GPBAR1: variants seen among roughly 807,000 people sequenced by gnomAD.
The protein encoded by GPBAR1 is G protein-coupled bile acid receptor 1.
In GPBAR1, 13 loss-of-function variants were observed where a neutral mutation model predicts 13.0. The observed-to-expected ratio is 1.00, with a 90% confidence interval of 0.65 to 1.59. The LOEUF (loss-of-function observed/expected upper bound fraction) is 1.59. GPBAR1 is among the 40% of genes most tolerant of loss of function. GPBAR1 has a pLI of 0.00. For synonymous variants in GPBAR1, 193 were observed against 205.2 expected (o/e 0.94, Z 0.51); for missense variants, 398 against 436.4 (o/e 0.91, Z 0.78).
rs199556363 is a variant in GPBAR1, at chr2:218,263,129, C to A, written c.405C>A (p.Pro135=). 7.4e-6 allele frequency: 12 copies of A among 1,612,534 alleles called. No homozygotes were observed. Among genetic ancestry groups the A allele is most frequent in the Non-Finnish European group, 1.0e-5 (12 of 1,179,870 alleles). The part of the protein sequence containing the change: ...RLALLLTWAG[P]LLFASLPALG... ...CCCTGCTCCTCACCTGGGCTGGTCCCCTGCTCTTTGCCAGTCTGCCCGCTC... is the reference window on the plus strand; with the variant it reads ...CCCTGCTCCTCACCTGGGCTGGTCCACTGCTCTTTGCCAGTCTGCCCGCTC... Residue 135 remains proline (P), a synonymous_variant, in exon 2 of 2, where the codon CCC becomes CCA. Coordinates refer to ENST00000519574, the MANE Select transcript of GPBAR1 (RefSeq NM_170699.3). The surrounding 1 kb of genome is among the most constrained non-coding windows in gnomAD (Gnocchi z 4.2).
chr2:218,262,284 TC>T lies in GPBAR1; in HGVS notation c.-45-392del, dbSNP rs537280453. ...TGGTCCATTCTCTCATTTAGAGGCC[TC>T]CCCGGTGGAGGCAGGGATACACAAA... On this transcript the variant is annotated intron_variant, in intron 1 of 1. Coordinates refer to ENST00000519574, the MANE Select transcript of GPBAR1 (RefSeq NM_170699.3). The surrounding 1 kb of genome is among the most constrained non-coding windows in gnomAD (Gnocchi z 5.1). The T allele has an allele frequency of 2.0e-4, 33 of 167,714 alleles. 2 individuals are homozygous for T. In the South Asian group the frequency reaches 4.9e-3, roughly 25 times the overall value. 10.4% of individuals were successfully genotyped at this position (167,714 alleles called of 1,614,324 possible).
At position 218,262,923 on chromosome 2, in the gene GPBAR1, G is replaced by A. The variant is rs1292599994; in HGVS notation, c.199G>A (p.Ala67Thr). ...LLLAGLLTGL[A>T]LPTLPGLWNQ... is the part of the protein sequence containing the mutation. ...GCTGGCTGGGCTGCTCACGGGTCTG[G>A]CATTGCCCACATTGCCAGGGCTGTG... The change falls in exon 2 of 2, where the codon GCA becomes ACA. Residue 67 changes from alanine to threonine, a missense_variant. Transcript: ENST00000519574. This position sits in a 1 kb window ranked among gnomAD's most constrained non-coding sequence, Gnocchi z 5.1. 6.2e-7 allele frequency: 1 copy of A among 1,613,652 alleles called. No homozygotes were observed. Among genetic ancestry groups the A allele is most frequent in the Non-Finnish European group, 8.5e-7 (1 of 1,179,808 alleles).
chr2:218,259,934 G>C (rs1031402449), upstream of GPBAR1: 1 of 152,268 alleles, frequency 6.6e-6, no homozygotes, highest in Non-Finnish European at 1.5e-5. Flanking sequence ...TCCCAGCCTT[G>C]AACTTGCCCT....
Position 218,263,147 on chromosome 2 carries a change from G to A in GPBAR1, c.423G>A (p.Leu141=). The change falls in exon 2 of 2, where the codon CTG becomes CTA. Residue 141 remains leucine (L), a synonymous_variant. Transcript: ENST00000519574. This position sits in a 1 kb window ranked among gnomAD's most constrained non-coding sequence, Gnocchi z 4.2. The part of the protein sequence containing the change: ...TWAGPLLFAS[L]PALGWNHWTP... ...CTGGTCCCCTGCTCTTTGCCAGTCT[G>A]CCCGCTCTGGGGTGGAACCACTGGA... 2 of 1,611,728 alleles carry A rather than the reference G, an allele frequency of 1.2e-6. No homozygotes were observed. Among genetic ancestry groups the A allele is most frequent in the Non-Finnish European group, 8.5e-7 (1 of 1,179,846 alleles).
Position 218,263,589 on chromosome 2 carries a change from G to C in GPBAR1, c.865G>C (p.Ala289Pro). The C allele has an allele frequency of 6.2e-7, 1 of 1,612,696 alleles. No homozygotes were observed. The change falls in exon 2 of 2, where the codon GCC becomes CCC. Residue 289 changes from alanine (A) to proline (P), a missense_variant. By Grantham distance (27) the Ala-to-Pro change is conservative. Coordinates refer to ENST00000519574, the MANE Select transcript of GPBAR1 (RefSeq NM_170699.3). The surrounding 1 kb of genome is among the most constrained non-coding windows in gnomAD (Gnocchi z 4.2). ...AMGLGDQRYTAPWRAAAQRCL... is the reference protein window; with the variant it reads ...AMGLGDQRYTPPWRAAAQRCL... ...GGGGCTGGGCGATCAGCGCTACACA[G>C]CCCCCTGGAGGGCAGCCGCCCAAAG...
rs754406544 is a variant in GPBAR1, at chr2:218,263,733, TGAC to T, written c.*17_*19del. On this transcript the variant is annotated 3_prime_UTR_variant, in exon 2 of 2. Coordinates refer to ENST00000519574, the MANE Select transcript of GPBAR1 (RefSeq NM_170699.3). The surrounding 1 kb of genome is among the most constrained non-coding windows in gnomAD (Gnocchi z 4.2). The stretch of plus-strand genomic sequence containing the variant: ...CTTGAACTAAAGGAAGGGCCTCTGC[TGAC>T]TCCTACCAGAGCATCCGTCCAGCTC... 2.3e-5 allele frequency: 37 copies of T among 1,612,892 alleles called. No individual in the cohort carries two copies. The Admixed American group carries it at 4.7e-4, about 20-fold the overall frequency.
Position 218,263,526 on chromosome 2 carries a change from C to T in GPBAR1, c.802C>T (p.Leu268=), listed in dbSNP as rs1274176430. ...TGGGACACTGTTGTCCCTCCTCTCC[C>T]TAGGAAGTGCCAGTGCAGCGGCAGT... ...GPGTLLSLLS[L]GSASAAAVPV... Residue 268 remains leucine (L), a synonymous_variant, in exon 2 of 2, where the codon CTA becomes TTA. Coordinates refer to ENST00000519574, the MANE Select transcript of GPBAR1 (RefSeq NM_170699.3). This position sits in a 1 kb window ranked among gnomAD's most constrained non-coding sequence, Gnocchi z 4.2. 6.2e-7 allele frequency: 1 copy of T among 1,611,972 alleles called. No individual in the cohort carries two copies. The highest frequency in any genetic ancestry group is 1.7e-5 in the Admixed American group (1 of 59,918).
At position 218,261,015 on chromosome 2, in the gene GPBAR1, GAGAACCC is replaced by G. The variant is rs1294436840; in HGVS notation, c.-243_-237del. On this transcript the variant is annotated 5_prime_UTR_variant, in exon 1 of 2. Coordinates refer to ENST00000519574, the MANE Select transcript of GPBAR1 (RefSeq NM_170699.3). ...GCCAGCCTCATTTCTCTATCCCTCTGAGAACCCAGACGGGCAGAGCCTGGGTAGGAGA... is the reference window on the plus strand; with the variant it reads ...GCCAGCCTCATTTCTCTATCCCTCTGAGACGGGCAGAGCCTGGGTAGGAGA... 1 of 152,156 alleles carries G rather than the reference GAGAACCC, an allele frequency of 6.6e-6. No individual in the cohort carries two copies. Among genetic ancestry groups the G allele is most frequent in the African/African-American group, 2.4e-5 (1 of 41,422 alleles). 9.4% of individuals were successfully genotyped at this position (152,156 alleles called of 1,614,324 possible). A position where few individuals can be genotyped will look rare whatever the true frequency, so the allele number is the denominator to read the frequency against.
upstream of GPBAR1, chr2:218,259,854 G>C (rs1385737998): frequency 6.6e-6 from 1 of 152,260 alleles, no homozygotes; most frequent in African/African-American, 2.4e-5. Context: ...GTGTGGCTGG[G>C]CTTCTCTCCT....
upstream of GPBAR1, among the ~76,000 whole-genome samples, chr2:218,260,351 T>G (rs1310230339): frequency 6.6e-6 from 1 of 152,216 alleles, no homozygotes; most frequent in Non-Finnish European, 1.5e-5. Context: ...GGGAGCCATT[T>G]GTTGGGGCAA....
Position 218,263,369 on chromosome 2 carries a change from C to T in GPBAR1, c.645C>T (p.Ala215=), listed in dbSNP as rs766815458. Residue 215 remains alanine, a synonymous_variant, in exon 2 of 2, where the codon GCC becomes GCT. Transcript: ENST00000519574. The surrounding 1 kb of genome is among the most constrained non-coding windows in gnomAD (Gnocchi z 4.2). The stretch of plus-strand genomic sequence containing the variant: ...GCCGCGATGAGCCCTCCGCCCTGGC[C>T]CGGGCCCTTACCTGGAGGCAGGCAA... ...AVCRDEPSAL[A]RALTWRQARA... is the part of the protein sequence containing the mutation. 83 of 1,598,612 alleles carry T rather than the reference C, an allele frequency of 5.2e-5. No homozygotes were observed. Among genetic ancestry groups the T allele is most frequent in the African/African-American group, 9.4e-5 (7 of 74,592 alleles).
chr2:218,262,570 A>C lies in GPBAR1; in HGVS notation c.-45-110A>C, dbSNP rs554280056. 9 of 680,888 alleles carry C rather than the reference A, an allele frequency of 1.3e-5. No homozygotes were observed. The highest frequency in any genetic ancestry group is 3.0e-5 in the Admixed American group (1 of 33,404). The allele number at this position is 680,888 out of a possible 1,614,324, so 42.2% of individuals were successfully genotyped here. ...ATTGAAAAATTCTGTGTATCAGCGA[A>C]CATGATACAGCCCACAGCCTGCGGG... On this transcript the variant is annotated intron_variant, in intron 1 of 1. Coordinates refer to ENST00000519574, the MANE Select transcript of GPBAR1 (RefSeq NM_170699.3). This position sits in a 1 kb window ranked among gnomAD's most constrained non-coding sequence, Gnocchi z 5.1.
rs761588028 is a variant in GPBAR1, at chr2:218,263,208, C to G, written c.484C>G (p.Pro162Ala). The G allele has an allele frequency of 6.2e-7, 1 of 1,609,100 alleles. No homozygotes were observed. Among genetic ancestry groups the G allele is most frequent in the Non-Finnish European group, 8.5e-7 (1 of 1,179,858 alleles). ...CAACTGCAGCTCCCAGGCTATCTTC[C>G]CAGCCCCCTACCTGTACCTCGAAGT... is the stretch of plus-strand genomic sequence containing the variant. Reference protein sequence around the residue: ...GANCSSQAIFPAPYLYLEVYG... With the variant: ...GANCSSQAIFAAPYLYLEVYG... The change falls in exon 2 of 2, where the codon CCA becomes GCA. Residue 162 changes from proline to alanine, a missense_variant. Pro to Ala is a conservative substitution (Grantham distance 27, BLOSUM62 -1). Transcript: ENST00000519574. The surrounding 1 kb of genome is among the most constrained non-coding windows in gnomAD (Gnocchi z 4.2).
rs1445688258 is a variant in GPBAR1 at position 218,262,066 on chromosome 2, G to A, written c.-45-614G>A. Reference sequence around the variant, plus strand: ...CTTCTCTCCTCCCTCCAGCTCCCAGGAAGGACCCTGTTGCTAGTGTGGAGC... The same window carrying A: ...CTTCTCTCCTCCCTCCAGCTCCCAGAAAGGACCCTGTTGCTAGTGTGGAGC... On this transcript the variant is annotated intron_variant, in intron 1 of 1. Coordinates refer to ENST00000519574, the MANE Select transcript of GPBAR1 (RefSeq NM_170699.3). This position sits in a 1 kb window ranked among gnomAD's most constrained non-coding sequence, Gnocchi z 5.1. The A allele has an allele frequency of 6.5e-6, 1 of 152,910 alleles. No individual in the cohort carries two copies. Among genetic ancestry groups the A allele is most frequent in the Non-Finnish European group, 1.5e-5 (1 of 68,492 alleles). 9.5% of individuals were successfully genotyped at this position (152,910 alleles called of 1,614,324 possible).
In GPBAR1 at chr2:218,262,357, C is replaced by T; in HGVS notation, c.-45-323C>T. The stretch of plus-strand genomic sequence containing the variant: ...CCGCCTTTCAGTCTAAACAAGAGAC[C>T]TCAACACAGCTGCCCAGAAAAGGCA... On this transcript the variant is annotated intron_variant, in intron 1 of 1. Coordinates refer to ENST00000519574, the MANE Select transcript of GPBAR1 (RefSeq NM_170699.3). The surrounding 1 kb of genome is among the most constrained non-coding windows in gnomAD (Gnocchi z 5.1). 4.4e-6 allele frequency: 1 copy of T among 226,314 alleles called. No individual in the cohort carries two copies. The highest frequency in any genetic ancestry group is 2.3e-5 in the African/African-American group (1 of 44,166). 14.0% of individuals were successfully genotyped at this position (226,314 alleles called of 1,614,324 possible). A position where few individuals can be genotyped will look rare whatever the true frequency, so the allele number is the denominator to read the frequency against.
At chr2:218,261,589 G>A (rs1318113066) in intron 1 of GPBAR1, among the ~76,000 whole-genome samples, 1 of 152,174 alleles carries the variant, frequency 6.6e-6, no homozygotes, top group Non-Finnish European at 1.5e-5. Context: ...GCTTAGGGGA[G>A]GGGAAAGGGG....
rs768592890 is a variant in GPBAR1, at chr2:218,263,187, T to C, written c.463T>C (p.Cys155Arg). ...GAACCACTGGACCCCTGGTGCCAAC[T>C]GCAGCTCCCAGGCTATCTTCCCAGC... ...GWNHWTPGANCSSQAIFPAPY... is the reference protein window; with the variant it reads ...GWNHWTPGANRSSQAIFPAPY... The change falls in exon 2 of 2, where the codon TGC (cysteine) becomes CGC (arginine). Residue 155 changes from cysteine to arginine, a missense_variant. Coordinates refer to ENST00000519574, the MANE Select transcript of GPBAR1 (RefSeq NM_170699.3). The surrounding 1 kb of genome is among the most constrained non-coding windows in gnomAD (Gnocchi z 4.2). 37 of 1,610,124 alleles carry C rather than the reference T, an allele frequency of 2.3e-5. No individual in the cohort carries two copies. Among genetic ancestry groups the C allele is most frequent in the Non-Finnish European group, 2.9e-5 (34 of 1,179,854 alleles).
rs200909291 is a variant in GPBAR1 at position 218,262,860 on chromosome 2, C to T, written c.136C>T (p.Arg46Cys). 2.7e-5 allele frequency: 43 copies of T among 1,613,618 alleles called. No homozygotes were observed. Among genetic ancestry groups the T allele is most frequent in the Admixed American group, 6.7e-5 (4 of 59,972 alleles). The stretch of plus-strand genomic sequence containing the variant: ...GGGCATCGCCTGGGACCGCCGCCTG[C>T]GCAGCCCACCTGCTGGCTGCTTCTT... ...ALGIAWDRRLRSPPAGCFFLS... is the reference protein window; with the variant it reads ...ALGIAWDRRLCSPPAGCFFLS... The change falls in exon 2 of 2, where the codon CGC becomes TGC. Residue 46 changes from arginine to cysteine, a missense_variant. Physicochemically the swap from Arg to Cys is radical, Grantham distance 180. Coordinates refer to ENST00000519574, the MANE Select transcript of GPBAR1 (RefSeq NM_170699.3). The surrounding 1 kb of genome is among the most constrained non-coding windows in gnomAD (Gnocchi z 5.1).
At position 218,263,278 on chromosome 2, in the gene GPBAR1, C is replaced by G. The variant is rs774237339; in HGVS notation, c.554C>G (p.Ser185Cys). The G allele has an allele frequency of 6.2e-7, 1 of 1,607,320 alleles. No homozygotes were observed. The highest frequency in any genetic ancestry group is 2.2e-5 in the East Asian group (1 of 44,874). The change falls in exon 2 of 2, where the codon TCT becomes TGT. Residue 185 changes from serine (S) to cysteine (C), a missense_variant. Ser to Cys is a moderately radical substitution (Grantham distance 112). Transcript: ENST00000519574. This position sits in a 1 kb window ranked among gnomAD's most constrained non-coding sequence, Gnocchi z 4.2. ...GCCGTGGGTGCTGCTGCCTTCCTCT[C>G]TGTCCGCGTGCTGGCCACTGCCCAC... is the stretch of plus-strand genomic sequence containing the variant. ...LPAVGAAAFLSVRVLATAHRQ... is the reference protein window; with the variant it reads ...LPAVGAAAFLCVRVLATAHRQ...
Sources: gnomAD v4.1 joint callset for allele counts (sites outside exome capture counted in the v4.1 genomes callset) on GRCh38, gnomAD v4.1.1 for gene constraint, Gnocchi (gnomAD v3.1) non-coding constraint, MANE v1.5 for transcripts, NCBI Gene and HGNC (gene_info 2026-07-23, HGNC 2026-07-21) for gene names.